GREM2: variants seen among roughly 807,000 people sequenced by gnomAD.
The protein encoded by GREM2 is gremlin 2, DAN family BMP antagonist, also known as gremlin-2.
In GREM2, 11 loss-of-function variants were observed where a neutral mutation model predicts 14.2. That is an observed-to-expected ratio of 0.78 (90% CI 0.49 to 1.28). The LOEUF (loss-of-function observed/expected upper bound fraction) is 1.28. Among genes scored for constraint, GREM2 ranks in the 50% most tolerant of loss-of-function variants. The pLI is 0.00. For missense variants in GREM2, 210 were observed against 218.5 expected (o/e 0.96, Z 0.24); for synonymous variants, 98 against 97.6 (o/e 1.00, Z -0.02).
In GREM2 at chr1:240,548,581, T is replaced by TA. The variant is rs549042591; in HGVS notation, c.-1-55106dup. 6.3e-4 allele frequency among the ~76,000 whole-genome samples: 96 copies of TA among 152,302 alleles called. 1 individual carries two copies. Among genetic ancestry groups the TA allele is most frequent in the African/African-American group, 2.1e-3 (87 of 41,570 alleles). On this transcript the variant is annotated intron_variant, in intron 1 of 1. Transcript: ENST00000318160. ...AGTATAAACTGGTTTTGGCTAAAAATATATGAGTCCAGTTTAAGATGTTGA... is the reference window on the plus strand; with the variant it reads ...AGTATAAACTGGTTTTGGCTAAAAATAATATGAGTCCAGTTTAAGATGTTGA...
At chr1:240,575,117 AT>A (rs577407089) in intron 1 of GREM2, among the ~76,000 whole-genome samples, 224 of 152,096 alleles carry the variant, frequency 1.5e-3, no homozygotes, top group Non-Finnish European at 2.6e-3. Context: ...CAAAAAAAAA[AT>A]AATAATAAAA....
rs1678623480 is a variant in GREM2 at position 240,542,823 on chromosome 1, T to G, written c.-1-49347A>C. Reference sequence around the variant, plus strand: ...ATTTGAGACAAAGATACTGTAATGTTTTGTGCTTGGCAGGTTTTTATCTTG... The same window carrying G: ...ATTTGAGACAAAGATACTGTAATGTGTTGTGCTTGGCAGGTTTTTATCTTG... On this transcript the variant is annotated intron_variant, in intron 1 of 1. Transcript: ENST00000318160. The surrounding 1 kb of genome is among the most constrained non-coding windows in gnomAD (Gnocchi z 4.1). Among the ~76,000 whole-genome samples, 1 of 152,160 alleles carries G rather than the reference T, an allele frequency of 6.6e-6. No homozygotes were observed. Among genetic ancestry groups the G allele is most frequent in the South Asian group, 2.1e-4 (1 of 4,826 alleles).
intron 1 of GREM2, among the ~76,000 whole-genome samples, chr1:240,573,293 T>C (rs538609355): frequency 5.5e-4 from 83 of 152,112 alleles, no homozygotes; most frequent in Middle Eastern, 6.8e-3. Context: ...AGACCTCGTC[T>C]CTATTTTTTT....
intron 1 of GREM2, among the ~76,000 whole-genome samples, chr1:240,560,814 C>T (rs368930420): frequency 3.3e-5 from 5 of 152,268 alleles, no homozygotes; most frequent in South Asian, 4.1e-4. Context: ...CCTTCTCCTC[C>T]CTGATCCCAA....
chr1:240,499,631 A>G (rs1233932642), intron 1 of GREM2, among the ~76,000 whole-genome samples: 1 of 152,228 alleles, frequency 6.6e-6, no homozygotes, highest in Non-Finnish European at 1.5e-5. Context: ...TTAAACCTTT[A>G]GAGACAGAGG....
chr1:240,595,288 C>A (rs768125709), intron 1 of GREM2, among the ~76,000 whole-genome samples: 1 of 152,124 alleles, frequency 6.6e-6, no homozygotes, highest in Non-Finnish European at 1.5e-5. Context: ...GCCAAGATTG[C>A]GCCACTGCAC....
chr1:240,602,661 A>T (rs1199886906), intron 1 of GREM2, among the ~76,000 whole-genome samples: 4 of 151,636 alleles, frequency 2.6e-5, no homozygotes, highest in Non-Finnish European at 5.9e-5. Flanking sequence ...TAATAAAAAT[A>T]AAAAATTAGC....
chr1:240,576,405 T>G (rs2103371556), intron 1 of GREM2, among the ~76,000 whole-genome samples: 1 of 152,364 alleles, frequency 6.6e-6, no homozygotes, highest in East Asian at 1.9e-4. Context: ...GAAGTTTTTG[T>G]GACAGCTGGT....
chr1:240,497,792 G>C (rs980280745), intron 1 of GREM2, among the ~76,000 whole-genome samples: 10 of 152,042 alleles, frequency 6.6e-5, no homozygotes, highest in African/African-American at 2.4e-4. Flanking sequence ...AGCTGGCTCA[G>C]GCCAAGTGTC....
At chr1:240,536,176 G>A (rs1400165602) in intron 1 of GREM2, among the ~76,000 whole-genome samples, 2 of 152,136 alleles carry the variant, frequency 1.3e-5, no homozygotes, top group Non-Finnish European at 2.9e-5. Flanking sequence ...CAGCTCCAAT[G>A]GAGATAATGT....
rs1677245044 is a variant in GREM2, at chr1:240,491,406, A to G, written c.*1563T>C. 1 of 152,650 alleles carries G rather than the reference A, an allele frequency of 6.6e-6. No individual in the cohort carries two copies. Among genetic ancestry groups the G allele is most frequent in the African/African-American group, 2.4e-5 (1 of 41,450 alleles). The allele number at this position is 152,650 out of a possible 1,614,324, so 9.5% of individuals were successfully genotyped here. A position where few individuals can be genotyped will look rare whatever the true frequency, so the allele number is the denominator to read the frequency against. On this transcript the variant is annotated 3_prime_UTR_variant, in exon 2 of 2. Coordinates refer to ENST00000318160, the MANE Select transcript of GREM2 (RefSeq NM_022469.4). ...TCATTCACATTTGTCAGATTCCATA[A>G]GCATTACTCACAGGGAAGCCTTCCT... is the stretch of plus-strand genomic sequence containing the variant.
chr1:240,560,879 C>T (rs1191094170), intron 1 of GREM2, among the ~76,000 whole-genome samples: 2 of 152,180 alleles, frequency 1.3e-5, no homozygotes, highest in South Asian at 2.1e-4. Flanking sequence ...CCACAAGTCA[C>T]ATACTTTCAC....
intron 1 of GREM2, among the ~76,000 whole-genome samples, chr1:240,570,063 C>T (rs1420010912): frequency 1.3e-5 from 2 of 152,118 alleles, no homozygotes; most frequent in Admixed American, 1.3e-4. Flanking sequence ...TCTGTGGATG[C>T]TTTAAGTGGT....
chr1:240,492,327 G>C lies in GREM2; in HGVS notation c.*642C>G. The C allele has an allele frequency of 3.1e-6, 1 of 323,082 alleles. No individual in the cohort carries two copies. The highest frequency in any genetic ancestry group is 8.2e-5 in the East Asian group (1 of 12,164). 20.0% of individuals were successfully genotyped at this position (323,082 alleles called of 1,614,324 possible). ...GGGGATTGTGTAGCCTGCTCTGCTC[G>C]AGGTTTCCCGGGAAGCCCACTTCGG... On this transcript the variant is annotated 3_prime_UTR_variant, in exon 2 of 2. Transcript: ENST00000318160.
intron 1 of GREM2, among the ~76,000 whole-genome samples, chr1:240,520,653 C>T (rs1294016343): frequency 6.6e-6 from 1 of 152,042 alleles, no homozygotes; most frequent in East Asian, 1.9e-4. Context: ...AGCAATTCTC[C>T]TGCCTCAGCC....
At chr1:240,556,568 C>A in intron 1 of GREM2, among the ~76,000 whole-genome samples, 1 of 151,534 alleles carries the variant, frequency 6.6e-6, no homozygotes, top group South Asian at 2.1e-4. Context: ...AACCAAAAGG[C>A]AAAACAACTA....
intron 1 of GREM2, among the ~76,000 whole-genome samples, chr1:240,594,039 G>C (rs534032942): frequency 6.6e-6 from 1 of 152,140 alleles, no homozygotes; most frequent in Admixed American, 6.6e-5. Context: ...CTGCAGCCTT[G>C]AACTCCTGGG....
At chr1:240,554,267 C>T (rs978544173) in intron 1 of GREM2, among the ~76,000 whole-genome samples, 7 of 151,574 alleles carry the variant, frequency 4.6e-5, no homozygotes, top group African/African-American at 7.3e-5. Context: ...AAAAATTAGC[C>T]GGGTGTGGTA....
Position 240,545,198 on chromosome 1 carries a change from G to A in GREM2, c.-1-51722C>T, listed in dbSNP as rs578119928. On this transcript the variant is annotated intron_variant, in intron 1 of 1. Coordinates refer to ENST00000318160, the MANE Select transcript of GREM2 (RefSeq NM_022469.4). ...ACTGGGAAAGGGAGAGAGGCTGAAG[G>A]TTAAGTTGCTCTCCAATAACCAGCG... is the stretch of plus-strand genomic sequence containing the variant. 1.2e-4 allele frequency among the ~76,000 whole-genome samples: 18 copies of A among 152,320 alleles called. No individual in the cohort carries two copies. The East Asian group carries it at 2.7e-3, about 23-fold the overall frequency.
Sources: gnomAD v4.1 joint callset for allele counts (sites outside exome capture counted in the v4.1 genomes callset) on GRCh38, gnomAD v4.1.1 for gene constraint, Gnocchi (gnomAD v3.1) non-coding constraint, MANE v1.5 for transcripts, NCBI Gene and HGNC (gene_info 2026-07-23, HGNC 2026-07-21) for gene names.